EIF3K: variants seen among roughly 807,000 people sequenced by gnomAD.
The protein encoded by EIF3K is eIF-3 p28.
Under a neutral mutation model 34.2 loss-of-function variants are expected in EIF3K, and 27 were observed. The observed-to-expected ratio is 0.79, with a 90% CI of 0.58 to 1.09. EIF3K has a LOEUF of 1.09. EIF3K is among the 50% of genes least tolerant of loss of function. The pLI, the probability that EIF3K is intolerant of heterozygous loss-of-function variation, is 0.00. For missense variants in EIF3K, 232 were observed against 275.4 expected, an observed-to-expected ratio of 0.84 and a Z score of 1.11; for synonymous variants, 105 against 105.7, an observed-to-expected ratio of 0.99 and a Z score of 0.04.
At chr19:38,632,196 A>T in intron 4 of EIF3K, 1 of 497,272 alleles carries the variant, frequency 2.0e-6, no homozygotes, top group Middle Eastern at 5.5e-4. Flanking sequence ...TGGGCAGATC[A>T]CTTGAGCCCA....
rs779805764 is a variant in EIF3K at position 38,619,299 on chromosome 19, G to A, written c.31G>A (p.Val11Met). The change falls in exon 1 of 8, where the codon GTG (valine) becomes ATG (methionine). Residue 11 changes from valine to methionine, a missense_variant. Val to Met is a conservative substitution (Grantham distance 21). Transcript: ENST00000248342. ...GATGTTTGAGCAGATGAGAGCCAAC[G>A]TGGGCAAGTTGCTCAAGGGTATCGA... MAMFEQMRAN[V>M]GKLLKGIDRY... is the part of the protein sequence containing the mutation. 5.0e-6 allele frequency: 8 copies of A among 1,613,994 alleles called. No homozygotes were observed. Among genetic ancestry groups the A allele is most frequent in the Non-Finnish European group, 6.8e-6 (8 of 1,179,972 alleles).
chr19:38,636,760 TTG>T, intron 7 of EIF3K, 127 bp from the exon 8 acceptor site: 1 of 1,081,800 alleles, frequency 9.2e-7, no homozygotes, highest in Non-Finnish European at 1.4e-6. Flanking sequence ...CAAACTGCCT[TTG>T]TGATGGTAAC....
chr19:38,633,329 T>TC (rs1377595133), intron 6 of EIF3K, among the ~76,000 whole-genome samples: 4 of 151,226 alleles, frequency 2.6e-5, no homozygotes, highest in East Asian at 2.0e-4. Context: ...TTTTTAAAGA[T>TC]CCCCCCAAGA....
rs539065139 is a variant in EIF3K at position 38,624,238 on chromosome 19, G to A, written c.279+41G>A. 2.5e-6 allele frequency: 4 copies of A among 1,612,640 alleles called. No homozygotes were observed. The South Asian group carries it at 3.3e-5, about 13-fold the overall frequency. ...TGGGGCCGGGGGGTGTGTGGGAAGG[G>A]GTCAGAGTCAAGGTGCATGAATTCC... On this transcript the variant is annotated intron_variant, in intron 3 of 7. Transcript: ENST00000248342.
In EIF3K at chr19:38,626,223, ATG is replaced by A. The variant is rs1372079083; in HGVS notation, c.354+129_354+130del. On this transcript the variant is annotated intron_variant, in intron 4 of 7. Transcript: ENST00000248342. The stretch of plus-strand genomic sequence containing the variant: ...TTTGGCGGTGGGCCCAGTGCTCTGC[ATG>A]TGTGTGTTTGTGGAATTATCATCCT... The A allele has an allele frequency of 4.0e-5, 36 of 903,838 alleles. No individual in the cohort carries two copies. In the Middle Eastern group the frequency reaches 9.5e-4, roughly 24 times the overall value. The allele number at this position is 903,838 out of a possible 1,614,324, so 56.0% of individuals were successfully genotyped here.
chr19:38,630,376 G>A lies in EIF3K; in HGVS notation c.355-2054G>A, dbSNP rs71356816. Reference sequence around the variant, plus strand: ...TTTTTTTTTTTTGAGATGGAGTCTCGCGCTGTCGCCCAGGCTGGAGTTCAG... The same window carrying A: ...TTTTTTTTTTTTGAGATGGAGTCTCACGCTGTCGCCCAGGCTGGAGTTCAG... On this transcript the variant is annotated intron_variant, in intron 4 of 7. Coordinates refer to ENST00000248342, the MANE Select transcript of EIF3K (RefSeq NM_013234.4). Among the ~76,000 whole-genome samples, 1,353 of 142,904 alleles carry A rather than the reference G, an allele frequency of 9.5e-3. 8 individuals are homozygous for A. The highest frequency in any genetic ancestry group is 0.016 in the Non-Finnish European group (1,088 of 66,120). The allele number at this position is 142,904 out of a possible 152,430, so 93.8% of individuals were successfully genotyped here.
Position 38,632,441 on chromosome 19 carries a change from T to A in EIF3K, c.366T>A (p.Asp122Glu). 1 of 1,614,086 alleles carries A rather than the reference T, an allele frequency of 6.2e-7. No homozygotes were observed. The highest frequency in any genetic ancestry group is 8.5e-7 in the Non-Finnish European group (1 of 1,179,958). ...CHFQAFWQAL[D>E]ENMDLLEGIT... ...AATTCCCATCACAGCAAGCCCTGGA[T>A]GAAAACATGGACCTCTTGGAAGGTA... The change falls in exon 5 of 8, where the codon GAT becomes GAA. Residue 122 changes from aspartate (D) to glutamate (E), a missense_variant. Coordinates refer to ENST00000248342, the MANE Select transcript of EIF3K (RefSeq NM_013234.4).
intron 6 of EIF3K, among the ~76,000 whole-genome samples, chr19:38,633,730 C>T (rs1351212213): frequency 6.6e-6 from 1 of 150,978 alleles, no homozygotes; most frequent in Non-Finnish European, 1.5e-5. Flanking sequence ...TGTGATGGCT[C>T]ATACCAGTGA....
chr19:38,624,773 C>T (rs142203810), intron 3 of EIF3K, among the ~76,000 whole-genome samples: 42 of 152,096 alleles, frequency 2.8e-4, no homozygotes, highest in Admixed American at 2.6e-3. Context: ...GGCACCTGAC[C>T]ATTTGGGTGG....
At chr19:38,627,295 C>A (rs910984013) in intron 4 of EIF3K, among the ~76,000 whole-genome samples, 1 of 151,980 alleles carries the variant, frequency 6.6e-6, no homozygotes, top group Non-Finnish European at 1.5e-5. Context: ...CAGAAACCCC[C>A]AGTTTTGAAG....
At chr19:38,632,725 C>G in intron 6 of EIF3K, 47 bp downstream of exon 6, 2 of 1,548,696 alleles carry the variant, frequency 1.3e-6, no homozygotes, top group Middle Eastern at 1.8e-4. Flanking sequence ...TTGGGGGTGG[C>G]TAGGGCAGTG....
At chr19:38,634,579 CAAG>C (rs1269017035) in intron 6 of EIF3K, among the ~76,000 whole-genome samples, 3 of 150,688 alleles carry the variant, frequency 2.0e-5, no homozygotes, top group Non-Finnish European at 3.0e-5. Flanking sequence ...GCCTGAGCAA[CAAG>C]AGCAAAAACT....
intron 1 of EIF3K, 140 bp downstream of exon 1, chr19:38,619,467 AG>A: frequency 1.0e-6 from 1 of 960,252 alleles, no homozygotes; most frequent in Non-Finnish European, 1.6e-6. Flanking sequence ...AGATGCTTAA[AG>A]AAACGGCACT....
Position 38,624,119 on chromosome 19 carries a change from C to A in EIF3K, c.201C>A (p.Ala67=). Residue 67 remains alanine (A), a synonymous_variant, in exon 3 of 8, where the codon GCC becomes GCA. Transcript: ENST00000248342. ...NPAFFQTTVT[A]QILLKALTNL... is the part of the protein sequence containing the mutation. ...CCTTCTTTCAGACCACGGTCACCGC[C>A]CAGATCCTGCTGAAGGCCCTCACCA... 1 of 1,614,192 alleles carries A rather than the reference C, an allele frequency of 6.2e-7. No individual in the cohort carries two copies. The highest frequency in any genetic ancestry group is 8.5e-7 in the Non-Finnish European group (1 of 1,180,038).
chr19:38,626,134 A>G (rs759227222), intron 4 of EIF3K, 32 bp downstream of exon 4: 1 of 1,600,788 alleles, frequency 6.2e-7, no homozygotes, highest in Non-Finnish European at 8.6e-7. Context: ...GGCAGGGGAG[A>G]TGGCAGGGCC....
At chr19:38,622,787 G>C (rs1975870534) in intron 2 of EIF3K, among the ~76,000 whole-genome samples, 1 of 152,348 alleles carries the variant, frequency 6.6e-6, no homozygotes, top group South Asian at 2.1e-4. Context: ...ACCCCTAGGT[G>C]CGCATTCTCT....
rs760164109 is a variant in EIF3K, at chr19:38,634,988, T to G, written c.500-5T>G. The G allele has an allele frequency of 5.0e-6, 8 of 1,614,106 alleles. No individual in the cohort carries two copies. In the Admixed American group the frequency reaches 1.3e-4, roughly 27 times the overall value. ...GAAGCCCCTTGCTGCCCCTGTCACC[T>G]GCAGACAGCCAGCTAAAGGTGTGGA... On this transcript the variant is annotated splice_region_variant and splice_polypyrimidine_tract_variant and intron_variant, in intron 6 of 7. Coordinates refer to ENST00000248342, the MANE Select transcript of EIF3K (RefSeq NM_013234.4).
At chr19:38,624,551 A>T (rs1975908224) in intron 3 of EIF3K, among the ~76,000 whole-genome samples, 1 of 152,188 alleles carries the variant, frequency 6.6e-6, no homozygotes, top group Admixed American at 6.5e-5. Context: ...CAGCCTGGCC[A>T]ACATGGCGAA....
At chr19:38,624,270 G>C (rs1975902949) in intron 3 of EIF3K, 73 bp downstream of exon 3, 2 of 1,598,436 alleles carry the variant, frequency 1.3e-6, no homozygotes, top group Admixed American at 1.7e-5. Flanking sequence ...TTCCCAGGGA[G>C]ATGGTCTGTG....
Sources: allele counts gnomAD v4.1 joint callset (sites outside exome capture counted in the v4.1 genomes callset), GRCh38; gene constraint gnomAD v4.1.1; transcripts MANE v1.5; gene names NCBI Gene and HGNC (gene_info 2026-07-23, HGNC 2026-07-21).